TSPAN18: variants seen among roughly 807,000 people sequenced by gnomAD.
TSPAN18 encodes tetraspanin-18.
Under a neutral mutation model 27.3 loss-of-function variants are expected in TSPAN18, and 14 were observed. The ratio of observed to expected loss-of-function variants is 0.51; its 90% CI spans 0.34 to 0.80. The LOEUF (loss-of-function observed/expected upper bound fraction) is 0.80, where lower values mean the gene tolerates loss of function less well. Ranked by LOEUF, TSPAN18 falls within the 30% of genes least tolerant of loss-of-function variation. The probability of loss-of-function intolerance (pLI) is 0.01; values close to 1 mark genes in which losing one functional copy is unlikely to be tolerated. For synonymous variants in TSPAN18, 143 were observed against 136.5 expected (o/e 1.05, Z -0.33); for missense variants, 268 against 323.9 (o/e 0.83, Z 1.32).
chr11:44,881,550 A>G (rs1318081230), intron 3 of TSPAN18, among the ~76,000 whole-genome samples: 1 of 152,212 alleles, frequency 6.6e-6, no homozygotes, highest in African/African-American at 2.4e-5. Context: ...TGAACTGAGG[A>G]TATCAGTCCC....
intron 8 of TSPAN18, among the ~76,000 whole-genome samples, chr11:44,921,775 C>T (rs1860146027): frequency 1.3e-5 from 2 of 152,304 alleles, no homozygotes; most frequent in South Asian, 4.1e-4. Flanking sequence ...AAACTTAGAA[C>T]CTTTTAATGC....
At chr11:44,752,389 C>CT (rs35012978) in intron 1 of TSPAN18, among the ~76,000 whole-genome samples, 44 of 149,170 alleles carry the variant, frequency 2.9e-4, no homozygotes, top group Middle Eastern at 3.4e-3. Flanking sequence ...TTCTTTCTTT[C>CT]TTTTTTTTTT....
At chr11:44,782,624 A>G (rs1179452493) in intron 2 of TSPAN18, among the ~76,000 whole-genome samples, 3 of 151,944 alleles carry the variant, frequency 2.0e-5, no homozygotes, top group Non-Finnish European at 2.9e-5. Flanking sequence ...TTTCACTCCC[A>G]TCAGCTGTGT....
chr11:44,856,526 A>G lies in TSPAN18; in HGVS notation c.-152-3802A>G, dbSNP rs138294290. ...GGGCCTCTCACTCCTCTGAATTCAT[A>G]ATGATATGAGGAACCCCTCCTTAGC... On this transcript the variant is annotated intron_variant, in intron 2 of 9. Coordinates refer to ENST00000520358, the MANE Select transcript of TSPAN18 (RefSeq NM_130783.5). Among the ~76,000 whole-genome samples the G allele has an allele frequency of 4.6e-5, 7 of 152,126 alleles. No individual in the cohort carries two copies. In the South Asian group the frequency reaches 1.0e-3, roughly 23 times the overall value.
intron 5 of TSPAN18, 38 bp downstream of exon 5, chr11:44,909,937 T>C (rs1859647061): frequency 6.4e-7 from 1 of 1,573,588 alleles, no homozygotes; most frequent in Non-Finnish European, 8.6e-7. Context: ...ATGGGTGCTC[T>C]GAGGGGTGTC....
chr11:44,858,902 A>G (rs918816301), intron 2 of TSPAN18, among the ~76,000 whole-genome samples: 2 of 151,860 alleles, frequency 1.3e-5, no homozygotes, highest in East Asian at 3.9e-4. Flanking sequence ...GCAGCCGTTT[A>G]TTTATTTCTT....
At chr11:44,865,719 G>C (rs907480650) in intron 3 of TSPAN18, among the ~76,000 whole-genome samples, 1 of 152,160 alleles carries the variant, frequency 6.6e-6, no homozygotes, top group Non-Finnish European at 1.5e-5. Context: ...CAGCTATGCA[G>C]TCAGGAGGGG....
At chr11:44,801,382 G>GTCTGTA (rs1856475896) in intron 2 of TSPAN18, among the ~76,000 whole-genome samples, 1 of 152,114 alleles carries the variant, frequency 6.6e-6, no homozygotes, top group African/African-American at 2.4e-5. Flanking sequence ...ATCTGTCCCT[G>GTCTGTA]TCTGTCTCTG....
chr11:44,785,072 G>C (rs2134963180), intron 2 of TSPAN18, among the ~76,000 whole-genome samples: 1 of 152,324 alleles, frequency 6.6e-6, no homozygotes, highest in African/African-American at 2.4e-5. Flanking sequence ...GGCAGGGCTA[G>C]TGCTAAAATC....
At chr11:44,757,043 A>C (rs528869895) in intron 1 of TSPAN18, among the ~76,000 whole-genome samples, 63 of 152,204 alleles carry the variant, frequency 4.1e-4, no homozygotes, top group African/African-American at 1.5e-3. Flanking sequence ...TTGTATTTTT[A>C]GTTGAATGTT....
At chr11:44,919,711 C>A (rs1386182076) in intron 7 of TSPAN18, 106 bp from the exon 8 acceptor site, 4 of 1,172,808 alleles carry the variant, frequency 3.4e-6, no homozygotes, top group African/African-American at 3.1e-5. Context: ...CCGCCCACAC[C>A]CAGTCTTCTG....
intron 2 of TSPAN18, among the ~76,000 whole-genome samples, chr11:44,806,398 T>A (rs184365745): frequency 5.3e-5 from 8 of 152,280 alleles, no homozygotes; most frequent in Admixed American, 1.3e-4. Context: ...AATTATTAGG[T>A]TGGGTGCCTG....
chr11:44,752,695 A>G (rs749972384), intron 1 of TSPAN18, among the ~76,000 whole-genome samples: 1 of 152,236 alleles, frequency 6.6e-6, no homozygotes, highest in Non-Finnish European at 1.5e-5. Flanking sequence ...ACATGAGTCA[A>G]AGATTGATTT....
intron 2 of TSPAN18, among the ~76,000 whole-genome samples, chr11:44,839,640 C>A (rs12282705): frequency 0.12 from 18,780 of 152,104 alleles, 1,262 homozygotes; most frequent in Middle Eastern, 0.19. Context: ...ACACCACCAC[C>A]ACCTGCCTTC....
chr11:44,803,128 G>A (rs1277822070), intron 2 of TSPAN18, among the ~76,000 whole-genome samples: 1 of 152,218 alleles, frequency 6.6e-6, no homozygotes, highest in East Asian at 1.9e-4. Flanking sequence ...AAAAGGGAGT[G>A]TATGCAGACC....
intron 1 of TSPAN18, among the ~76,000 whole-genome samples, chr11:44,730,501 G>A (rs905451042): frequency 2.0e-5 from 3 of 152,108 alleles, no homozygotes; most frequent in African/African-American, 7.2e-5. Context: ...CATTGATCAG[G>A]CGTTTCTACC....
At chr11:44,806,016 C>T (rs933548092) in intron 2 of TSPAN18, among the ~76,000 whole-genome samples, 4 of 150,818 alleles carry the variant, frequency 2.7e-5, no homozygotes, top group Non-Finnish European at 5.9e-5. Context: ...GGTAGACACA[C>T]ATTTTGAGGG....
intron 3 of TSPAN18, among the ~76,000 whole-genome samples, chr11:44,902,913 C>T (rs901375864): frequency 2.6e-5 from 4 of 152,108 alleles, no homozygotes; most frequent in African/African-American, 4.8e-5. Flanking sequence ...CTGTTGGAGG[C>T]GAGGAGGATA....
chr11:44,908,810 A>AGAAAGAAG (rs1554938127), intron 4 of TSPAN18, among the ~76,000 whole-genome samples: 2 of 116,424 alleles, frequency 1.7e-5, no homozygotes, highest in African/African-American at 3.6e-5. Flanking sequence ...AAAGAAAGAA[A>AGAAAGAAG]GAAAGAAAGA....
Sources: gnomAD v4.1 joint callset for allele counts (sites outside exome capture counted in the v4.1 genomes callset) on GRCh38, gnomAD v4.1.1 for gene constraint, MANE v1.5 for transcripts, NCBI Gene and HGNC (gene_info 2026-07-23, HGNC 2026-07-21) for gene names.